Variants in MTHFD1L observed in about 807,000 individuals in gnomAD.
The protein encoded by MTHFD1L is methylenetetrahydrofolate dehydrogenase (NADP+ dependent) 1 like.
A neutral mutation model predicts 119.5 loss-of-function variants in MTHFD1L; 81 were observed. That is an observed-to-expected ratio of 0.68 (90% confidence interval 0.57 to 0.82). The LOEUF is 0.82. MTHFD1L is among the 40% of genes least tolerant of loss of function. The probability of loss-of-function intolerance (pLI) is 0.00; values close to 1 mark genes in which losing one functional copy is unlikely to be tolerated. For missense variants in MTHFD1L, 1,125 were observed against 1,253.4 expected, an observed-to-expected ratio of 0.90 and a Z score of 1.55; for synonymous variants, 430 against 475.2, an observed-to-expected ratio of 0.90 and a Z score of 1.24.
intron 26 of MTHFD1L, among the ~76,000 whole-genome samples, chr6:151,083,249 G>T (rs1040904589): frequency 6.6e-6 from 1 of 151,936 alleles, no homozygotes; most frequent in Non-Finnish European, 1.5e-5. Context: ...CCAGGCTGGA[G>T]TGCAGTGGTG....
In MTHFD1L at chr6:151,039,225, C is replaced by T. The variant is rs1786668727; in HGVS notation, c.2847+2108C>T. Reference sequence around the variant, plus strand: ...GTCCAGAAAAATCCCACAGACACCGCTCGTAGCAGTGTTGGCACAGGGAGA... The same window carrying T: ...GTCCAGAAAAATCCCACAGACACCGTTCGTAGCAGTGTTGGCACAGGGAGA... On this transcript the variant is annotated intron_variant, in intron 26 of 27. Coordinates refer to ENST00000367321, the MANE Select transcript of MTHFD1L (RefSeq NM_015440.5). This position sits in a 1 kb window ranked among gnomAD's most constrained non-coding sequence, Gnocchi z 4.4. Among the ~76,000 whole-genome samples the T allele has an allele frequency of 1.3e-5, 2 of 152,092 alleles. No homozygotes were observed. Among genetic ancestry groups the T allele is most frequent in the Admixed American group, 1.3e-4 (2 of 15,276 alleles).
chr6:151,012,939 A>T (rs1448115495), intron 21 of MTHFD1L, among the ~76,000 whole-genome samples: 1 of 152,096 alleles, frequency 6.6e-6, no homozygotes, highest in African/African-American at 2.4e-5. Context: ...GTCAGTTGAG[A>T]CCCACCCACA....
chr6:150,962,333 A>G (rs1796569474), intron 18 of MTHFD1L, among the ~76,000 whole-genome samples: 2 of 152,220 alleles, frequency 1.3e-5, no homozygotes, highest in South Asian at 4.1e-4. Context: ...TGGATCTGGA[A>G]CAAACCCAAA....
At chr6:150,870,639 G>A (rs1041612001) in intron 1 of MTHFD1L, among the ~76,000 whole-genome samples, 5 of 152,064 alleles carry the variant, frequency 3.3e-5, no homozygotes, top group South Asian at 2.1e-4. Flanking sequence ...AAGGCCGGGC[G>A]TGGTAGCTCA....
intron 20 of MTHFD1L, among the ~76,000 whole-genome samples, chr6:151,009,180 T>C (rs1781858222): frequency 6.6e-6 from 1 of 151,152 alleles, no homozygotes. Flanking sequence ...CATACTATCA[T>C]TGCCTTTTGA....
intron 20 of MTHFD1L, among the ~76,000 whole-genome samples, chr6:150,994,450 C>T (rs945933469): frequency 1.3e-5 from 2 of 151,916 alleles, no homozygotes; most frequent in African/African-American, 4.8e-5. Flanking sequence ...CCACTGTCAG[C>T]GTGACGACAG....
chr6:151,004,884 C>T (rs1781173316), intron 20 of MTHFD1L, among the ~76,000 whole-genome samples: 1 of 152,184 alleles, frequency 6.6e-6, no homozygotes, highest in Non-Finnish European at 1.5e-5. Context: ...ATGGCTTGTG[C>T]AAACAATTTA....
At chr6:150,918,288 A>ACTT (rs1788327184) in intron 8 of MTHFD1L, among the ~76,000 whole-genome samples, 1 of 151,974 alleles carries the variant, frequency 6.6e-6, no homozygotes, top group African/African-American at 2.4e-5. Context: ...CTGGTCTTGA[A>ACTT]CTGACCTCAG....
chr6:151,060,454 G>A (rs965934362), intron 26 of MTHFD1L, among the ~76,000 whole-genome samples: 5 of 152,182 alleles, frequency 3.3e-5, no homozygotes, highest in Non-Finnish European at 7.3e-5. Context: ...GGCTAGAGAG[G>A]CACACAAGTT....
At chr6:151,084,165 T>G (rs1432419756) in intron 26 of MTHFD1L, among the ~76,000 whole-genome samples, 1 of 152,158 alleles carries the variant, frequency 6.6e-6, no homozygotes, top group African/African-American at 2.4e-5. Context: ...GGGCACCAAT[T>G]TATTACTTTG....
chr6:151,078,321 C>G (rs1792790154), intron 26 of MTHFD1L, among the ~76,000 whole-genome samples: 1 of 151,988 alleles, frequency 6.6e-6, no homozygotes, highest in African/African-American at 2.4e-5. Context: ...GCCTGTAGTC[C>G]TAGCTACTCA....
chr6:150,964,874 C>T, intron 18 of MTHFD1L, 95 bp from the exon 19 acceptor site: 1 of 1,238,568 alleles, frequency 8.1e-7, no homozygotes. Flanking sequence ...GTGGGGACGC[C>T]CACCCAAGAA....
At chr6:151,088,458 T>A (rs1794044558) in intron 26 of MTHFD1L, 1 of 152,108 alleles carries the variant, frequency 6.6e-6, no homozygotes, top group Non-Finnish European at 1.5e-5. Context: ...TAGTTTTTGT[T>A]TGTTTGTTTC....
chr6:150,974,490 C>T (rs1776253498), intron 20 of MTHFD1L, among the ~76,000 whole-genome samples: 1 of 152,064 alleles, frequency 6.6e-6, no homozygotes, highest in Admixed American at 6.6e-5. Context: ...TAGTGAAGTA[C>T]ACCTTCATTG....
At chr6:150,930,217 A>G (rs1277326580) in intron 11 of MTHFD1L, among the ~76,000 whole-genome samples, 1 of 152,192 alleles carries the variant, frequency 6.6e-6, no homozygotes. Context: ...CCTGAGCTGC[A>G]TAGCAAGACC....
intron 11 of MTHFD1L, among the ~76,000 whole-genome samples, chr6:150,927,431 A>G (rs1303541727): frequency 1.3e-5 from 2 of 149,594 alleles, no homozygotes; most frequent in African/African-American, 4.9e-5. Context: ...ACAACATAAC[A>G]TTCCATCACT....
intron 16 of MTHFD1L, among the ~76,000 whole-genome samples, chr6:150,952,451 G>A (rs1684002514): frequency 6.6e-6 from 1 of 152,166 alleles, no homozygotes. Context: ...GTGGGAGTGA[G>A]ACCCTCTTCT....
chr6:150,875,347 C>T (rs907705093), intron 1 of MTHFD1L, among the ~76,000 whole-genome samples: 5 of 152,100 alleles, frequency 3.3e-5, no homozygotes, highest in African/African-American at 1.2e-4. Context: ...CCATGCCAGG[C>T]CTTCTACCAC....
chr6:151,060,066 A>G (rs893751656), intron 26 of MTHFD1L, among the ~76,000 whole-genome samples: 4 of 152,200 alleles, frequency 2.6e-5, no homozygotes. Context: ...GCCATAAACA[A>G]CTCAGTTAAC....
Sources: gnomAD v4.1 joint callset for allele counts (sites outside exome capture counted in the v4.1 genomes callset) on GRCh38, gnomAD v4.1.1 for gene constraint, Gnocchi (gnomAD v3.1) non-coding constraint, MANE v1.5 for transcripts, NCBI Gene and HGNC (gene_info 2026-07-23, HGNC 2026-07-21) for gene names.